Variants in ZSWIM7 observed in about 807,000 individuals in gnomAD.
ZSWIM7 encodes the protein zinc finger SWIM-type containing 7.
In ZSWIM7, 22 loss-of-function variants were observed where a neutral mutation model predicts 21.1. That is an observed-to-expected ratio of 1.04 (90% confidence interval 0.74 to 1.49). The LOEUF is 1.49. Among genes scored for constraint, ZSWIM7 ranks in the 40% most tolerant of loss-of-function variants. The pLI, the probability that ZSWIM7 is intolerant of heterozygous loss-of-function variation, is 0.00. For missense variants in ZSWIM7, 193 were observed against 168.0 expected (o/e 1.15, Z -0.82); for synonymous variants, 67 against 66.5 (o/e 1.01, Z -0.04).
At chr17:15,996,778 G>C (rs1970560317) in intron 1 of ZSWIM7, among the ~76,000 whole-genome samples, 1 of 151,928 alleles carries the variant, frequency 6.6e-6, no homozygotes, top group Non-Finnish European at 1.5e-5. Context: ...TTGAGCCTGG[G>C]AGGTTGAGGG....
chr17:15,989,649 C>T (rs1970457626), intron 2 of ZSWIM7, among the ~76,000 whole-genome samples: 1 of 151,846 alleles, frequency 6.6e-6, no homozygotes, highest in African/African-American at 2.4e-5. Context: ...TTTTTTGAGA[C>T]AAAGTCTCTC....
At chr17:15,980,787 C>CT (rs928164480) in intron 4 of ZSWIM7, among the ~76,000 whole-genome samples, 1 of 152,090 alleles carries the variant, frequency 6.6e-6, no homozygotes, top group Admixed American at 6.5e-5. Context: ...CTGGGATTCC[C>CT]TTTTTTTCCT....
At chr17:15,990,257 G>A (rs1306517882) in intron 2 of ZSWIM7, among the ~76,000 whole-genome samples, 1 of 148,998 alleles carries the variant, frequency 6.7e-6, no homozygotes, top group Non-Finnish European at 1.5e-5. Context: ...CAAAATTTAA[G>A]AGTGATTATT....
chr17:15,985,340 G>A (rs1970396879), intron 3 of ZSWIM7, among the ~76,000 whole-genome samples: 1 of 151,742 alleles, frequency 6.6e-6, no homozygotes, highest in South Asian at 2.1e-4. Flanking sequence ...AACAACTCAG[G>A]TGTCAGCAAC....
chr17:15,983,328 G>C (rs1391731406), intron 3 of ZSWIM7, among the ~76,000 whole-genome samples: 1 of 140,106 alleles, frequency 7.1e-6, no homozygotes, highest in Non-Finnish European at 1.5e-5. Flanking sequence ...CTGGGTGACA[G>C]GGCAAGACTC....
intron 1 of ZSWIM7, 97 bp from the exon 2 acceptor site, chr17:15,993,875 G>T: frequency 1.1e-6 from 1 of 873,058 alleles, no homozygotes; most frequent in Non-Finnish European, 1.8e-6. Context: ...ACACTTCCGT[G>T]TGTGATGGTC....
Position 15,999,613 on chromosome 17 carries a change from C to G in ZSWIM7, c.-19G>C, listed in dbSNP as rs1419688973. The G allele has an allele frequency of 3.8e-6, 6 of 1,568,646 alleles. No individual in the cohort carries two copies. Among genetic ancestry groups the G allele is most frequent in the Admixed American group, 3.7e-5 (2 of 53,940 alleles). ...CGGCCATCGCGCCGCAGGACACGCC[C>G]TCCACGACCGGCGGACCGCCGCGAC... is the stretch of plus-strand genomic sequence containing the variant. On this transcript the variant is annotated 5_prime_UTR_variant, in exon 1 of 5. Coordinates refer to ENST00000399277, the MANE Select transcript of ZSWIM7 (RefSeq NM_001042697.2).
intron 2 of ZSWIM7, chr17:15,990,894 G>A (rs1970473642): frequency 6.6e-6 from 1 of 152,040 alleles, no homozygotes; most frequent in Non-Finnish European, 1.5e-5. Context: ...GCCAGGTGTG[G>A]TGGCTCATGC....
In ZSWIM7 at chr17:15,976,698, G is replaced by A. The variant is rs1200783567; in HGVS notation, c.*1349C>T. ...CAGCATTCATTCACTAGCACCTCAT[G>A]TTTTGGGGGCACAAGCACAGGGCTT... On this transcript the variant is annotated 3_prime_UTR_variant, in exon 5 of 5. Coordinates refer to ENST00000399277, the MANE Select transcript of ZSWIM7 (RefSeq NM_001042697.2). The A allele has an allele frequency of 6.6e-6, 1 of 152,170 alleles. No individual in the cohort carries two copies. Among genetic ancestry groups the A allele is most frequent in the East Asian group, 1.9e-4 (1 of 5,198 alleles). The allele number at this position is 152,170 out of a possible 1,614,324, so 9.4% of individuals were successfully genotyped here. A position where few individuals can be genotyped will look rare whatever the true frequency, so the allele number is the denominator to read the frequency against.
At chr17:15,982,335 G>C (rs968927471) in intron 3 of ZSWIM7, among the ~76,000 whole-genome samples, 1 of 152,172 alleles carries the variant, frequency 6.6e-6, no homozygotes, top group Non-Finnish European at 1.5e-5. Flanking sequence ...ATTATTATTA[G>C]TATCTGAGGG....
At position 15,981,113 on chromosome 17, in the gene ZSWIM7, CAT is replaced by C. The variant is rs368517882; in HGVS notation, c.231_232del (p.Cys78PhefsTer21). 561 of 1,613,778 alleles carry C rather than the reference CAT, an allele frequency of 3.5e-4. No individual in the cohort carries two copies. The highest frequency in any genetic ancestry group is 6.6e-4 in the Middle Eastern group (4 of 6,062). On this transcript the variant is annotated frameshift_variant, in exon 4 of 5. Transcript: ENST00000399277. LOFTEE classifies it high-confidence loss of function. ...TGAACAGTAATGACAAGAAGCCAAA[CAT>C]GTGTATGTTTTACTGGAACTTCCAA...
chr17:15,980,949 G>T (rs1970347618), intron 4 of ZSWIM7, 91 bp downstream of exon 4: 1 of 895,860 alleles, frequency 1.1e-6, no homozygotes, highest in Non-Finnish European at 1.7e-6. Context: ...CATATAATAA[G>T]ATTCCCATTT....
chr17:15,989,289 A>G (rs1253599313), intron 2 of ZSWIM7, among the ~76,000 whole-genome samples: 1 of 152,156 alleles, frequency 6.6e-6, no homozygotes, highest in Non-Finnish European at 1.5e-5. Flanking sequence ...TTTTTAAAGG[A>G]AACCTACAAT....
Position 15,999,611 on chromosome 17 carries a change from C to G in ZSWIM7, c.-17G>C. ...TACGGCCATCGCGCCGCAGGACACG[C>G]CCTCCACGACCGGCGGACCGCCGCG... On this transcript the variant is annotated 5_prime_UTR_variant, in exon 1 of 5. Transcript: ENST00000399277. 1 of 1,568,094 alleles carries G rather than the reference C, an allele frequency of 6.4e-7. No individual in the cohort carries two copies. The highest frequency in any genetic ancestry group is 8.6e-7 in the Non-Finnish European group (1 of 1,157,990).
chr17:15,994,039 C>T (rs1970517457), intron 1 of ZSWIM7, among the ~76,000 whole-genome samples: 4 of 152,180 alleles, frequency 2.6e-5, no homozygotes, highest in South Asian at 4.1e-4. Context: ...ACCTCCGCCT[C>T]CCGGGTTTAA....
intron 1 of ZSWIM7, 156 bp downstream of exon 1, chr17:15,999,362 TG>T (rs1970630803): frequency 2.0e-6 from 2 of 1,009,092 alleles, no homozygotes; most frequent in South Asian, 1.4e-5. Flanking sequence ...TTTGTTGTTT[TG>T]TTTTTTTGTC....
intron 3 of ZSWIM7, among the ~76,000 whole-genome samples, chr17:15,983,432 G>C (rs1970378699): frequency 6.7e-6 from 1 of 150,030 alleles, no homozygotes; most frequent in Admixed American, 6.6e-5. Context: ...CTACTGCAAG[G>C]CTCTGATGTG....
intron 3 of ZSWIM7, among the ~76,000 whole-genome samples, chr17:15,982,076 T>C (rs1970362326): frequency 6.6e-6 from 1 of 151,902 alleles, no homozygotes; most frequent in African/African-American, 2.4e-5. Context: ...CAGATCTGCC[T>C]ACTCATCTAG....
At chr17:15,996,550 T>A (rs1296029770) in intron 1 of ZSWIM7, among the ~76,000 whole-genome samples, 1 of 151,584 alleles carries the variant, frequency 6.6e-6, no homozygotes, top group African/African-American at 2.4e-5. Context: ...GGGAACAGAG[T>A]GAGACCCGGT....
Sources: allele counts gnomAD v4.1 joint callset (sites outside exome capture counted in the v4.1 genomes callset), GRCh38; gene constraint gnomAD v4.1.1; transcripts MANE v1.5; gene names NCBI Gene and HGNC (gene_info 2026-07-23, HGNC 2026-07-21).